Variants in DPP10 observed in about 807,000 individuals in gnomAD.
DPP10 encodes the protein dipeptidyl peptidase like 10.
In DPP10, 33 loss-of-function variants were observed where a neutral mutation model predicts 120.9. The observed-to-expected ratio is 0.27, with a 90% confidence interval of 0.21 to 0.37. DPP10 has a LOEUF of 0.37. DPP10 is among the 10% of genes least tolerant of loss of function. The pLI is 1.00. For synonymous variants in DPP10, 337 were observed against 326.1 expected, an observed-to-expected ratio of 1.03 and a Z score of -0.36; for missense variants, 816 against 942.8, an observed-to-expected ratio of 0.87 and a Z score of 1.76.
chr2:115,000,531 C>A (rs1018303272), intron 1 of DPP10, among the ~76,000 whole-genome samples: 1 of 151,920 alleles, frequency 6.6e-6, no homozygotes, highest in Admixed American at 6.6e-5. Context: ...ACATTGGTTC[C>A]TTTTGTCATT....
rs1254313702 is a variant in DPP10, at chr2:115,098,515, G to A, written c.61-210724G>A. Reference sequence around the variant, plus strand: ...CCTGGGCTACAAACCTGTACGACATGTTATTGTATTGAATATTGTAGTCAA... The same window carrying A: ...CCTGGGCTACAAACCTGTACGACATATTATTGTATTGAATATTGTAGTCAA... On this transcript the variant is annotated intron_variant, in intron 1 of 25. Transcript: ENST00000410059. 2.0e-5 allele frequency among the ~76,000 whole-genome samples: 3 copies of A among 151,974 alleles called. No individual in the cohort carries two copies. In the East Asian group the frequency reaches 5.8e-4, roughly 29 times the overall value.
At chr2:114,468,709 A>G (rs777282744) in intron 1 of DPP10, among the ~76,000 whole-genome samples, 1 of 152,190 alleles carries the variant, frequency 6.6e-6, no homozygotes, top group Admixed American at 6.5e-5. Flanking sequence ...TTTAAACTGC[A>G]TCTTGAATGC....
In DPP10 at chr2:114,684,871, T is replaced by C. The variant is rs149333333; in HGVS notation, c.60+242033T>C. ...TTCAGGATACTTAGTGTTGTGTTTGTAGAATTGAGGAGATGCTACCTAGGG... is the reference window on the plus strand; with the variant it reads ...TTCAGGATACTTAGTGTTGTGTTTGCAGAATTGAGGAGATGCTACCTAGGG... On this transcript the variant is annotated intron_variant, in intron 1 of 25. Transcript: ENST00000410059. Among the ~76,000 whole-genome samples, 22 of 152,038 alleles carry C rather than the reference T, an allele frequency of 1.4e-4. No homozygotes were observed. The East Asian group carries it at 1.6e-3, about 11-fold the overall frequency.
chr2:115,237,333 G>T (rs1183212773), intron 1 of DPP10, among the ~76,000 whole-genome samples: 1 of 152,102 alleles, frequency 6.6e-6, no homozygotes, highest in African/African-American at 2.4e-5. Flanking sequence ...AACCATGTCA[G>T]TATAAAACAG....
intron 1 of DPP10, among the ~76,000 whole-genome samples, chr2:115,275,087 T>A (rs1276485115): frequency 6.6e-6 from 1 of 152,202 alleles, no homozygotes; most frequent in Non-Finnish European, 1.5e-5. Context: ...ATAGAAGTTG[T>A]TTCTCGGCTT....
intron 3 of DPP10, among the ~76,000 whole-genome samples, chr2:115,410,334 C>T (rs184895343): frequency 2.4e-3 from 358 of 152,214 alleles, no homozygotes; most frequent in Admixed American, 3.4e-3. Flanking sequence ...TTTGCAGGGA[C>T]ACGGATGGAG....
chr2:114,917,950 G>A (rs1330317169), intron 1 of DPP10, among the ~76,000 whole-genome samples: 2 of 152,044 alleles, frequency 1.3e-5, no homozygotes, highest in South Asian at 2.1e-4. Context: ...AACAAAAATT[G>A]ACAAATGGAA....
chr2:114,726,572 T>C (rs1311028670), intron 1 of DPP10, among the ~76,000 whole-genome samples: 1 of 152,254 alleles, frequency 6.6e-6, no homozygotes, highest in Non-Finnish European at 1.5e-5. Flanking sequence ...GAAATATTTG[T>C]TTCTGTAACT....
At chr2:115,614,351 C>G (rs1298188772) in intron 5 of DPP10, among the ~76,000 whole-genome samples, 2 of 152,094 alleles carry the variant, frequency 1.3e-5, no homozygotes, top group Non-Finnish European at 2.9e-5. Context: ...CACAAATAAC[C>G]ATTTATATTT....
At chr2:114,530,627 C>G (rs749674254) in intron 1 of DPP10, among the ~76,000 whole-genome samples, 8 of 152,126 alleles carry the variant, frequency 5.3e-5, no homozygotes, top group Non-Finnish European at 1.2e-4. Context: ...AACTCAAGTA[C>G]TCAAATGCCC....
At chr2:115,832,278 T>A (rs541776149) in intron 21 of DPP10, among the ~76,000 whole-genome samples, 1 of 152,288 alleles carries the variant, frequency 6.6e-6, no homozygotes, top group South Asian at 2.1e-4. Context: ...CACTTGAGCC[T>A]AGGAGTTCAA....
intron 19 of DPP10, among the ~76,000 whole-genome samples, chr2:115,799,910 T>G (rs1439970007): frequency 6.6e-6 from 1 of 152,052 alleles, no homozygotes; most frequent in African/African-American, 2.4e-5. Context: ...TGCATGTGTC[T>G]TTATAGCAGC....
At chr2:114,741,931 T>TA (rs1186664255) in intron 1 of DPP10, among the ~76,000 whole-genome samples, 1 of 152,208 alleles carries the variant, frequency 6.6e-6, no homozygotes. Flanking sequence ...ATAAATATGT[T>TA]ACTTTAAGCC....
At chr2:115,652,493 T>C (rs1249907555) in intron 5 of DPP10, among the ~76,000 whole-genome samples, 5 of 151,338 alleles carry the variant, frequency 3.3e-5, no homozygotes. Flanking sequence ...ATATATATAA[T>C]GTAGATAGAT....
intron 7 of DPP10, among the ~76,000 whole-genome samples, chr2:115,722,791 T>C (rs1260174951): frequency 6.6e-6 from 1 of 152,188 alleles, no homozygotes; most frequent in Admixed American, 6.5e-5. Flanking sequence ...ATTTTTGTAC[T>C]GTTTCAGTAA....
chr2:114,663,666 T>TAGAGAGAGAGAGAG (rs1264946349), intron 1 of DPP10, among the ~76,000 whole-genome samples: 366 of 92,530 alleles, frequency 4.0e-3, no homozygotes, highest in East Asian at 7.5e-3. Context: ...TATATATATA[T>TAGAGAGAGAGAGAG]ATAGAGAGAG....
At chr2:114,749,776 C>T (rs995113810) in intron 1 of DPP10, among the ~76,000 whole-genome samples, 13 of 151,896 alleles carry the variant, frequency 8.6e-5, no homozygotes, top group South Asian at 8.3e-4. Flanking sequence ...AATACATGAA[C>T]GCCAAAGAGA....
intron 1 of DPP10, among the ~76,000 whole-genome samples, chr2:115,102,643 T>C (rs1301280580): frequency 6.6e-6 from 1 of 151,840 alleles, no homozygotes; most frequent in East Asian, 1.9e-4. Context: ...ACTTGGGACT[T>C]TGTGATCCAC....
chr2:114,876,871 C>T (rs1181206246), intron 1 of DPP10, among the ~76,000 whole-genome samples: 1 of 152,014 alleles, frequency 6.6e-6, no homozygotes, highest in African/African-American at 2.4e-5. Context: ...GTATCTTGTT[C>T]AAAATGAAGG....
Sources: gnomAD v4.1 joint callset for allele counts (sites outside exome capture counted in the v4.1 genomes callset) on GRCh38, gnomAD v4.1.1 for gene constraint, MANE v1.5 for transcripts, NCBI Gene and HGNC (gene_info 2026-07-23, HGNC 2026-07-21) for gene names.